COL5A2: variants seen among roughly 807,000 people sequenced by gnomAD.
The protein encoded by COL5A2 is collagen alpha-2(V) chain.
A neutral mutation model predicts 208.2 loss-of-function variants in COL5A2; 23 were observed. The observed-to-expected ratio is 0.11, with a 90% CI of 0.08 to 0.16. The LOEUF (loss-of-function observed/expected upper bound fraction) is 0.16, where lower values mean the gene tolerates loss of function less well. COL5A2 is among the 10% of genes least tolerant of loss of function. The pLI, the probability that COL5A2 is intolerant of heterozygous loss-of-function variation, is 1.00. For missense variants in COL5A2, 1,590 were observed against 1,956.4 expected, an observed-to-expected ratio of 0.81 and a Z score of 3.53; for synonymous variants, 625 against 628.5, an observed-to-expected ratio of 0.99 and a Z score of 0.08.
the COL5A2 span, among the ~76,000 whole-genome samples, chr2:189,257,108 A>C: frequency 6.6e-6 from 1 of 152,204 alleles, no homozygotes; most frequent in Admixed American, 6.5e-5. Context: ...CCTAGAAGGA[A>C]AGTCTATATA....
upstream of COL5A2, among the ~76,000 whole-genome samples, chr2:189,182,732 A>G (rs1688797381): frequency 6.6e-6 from 1 of 152,176 alleles, no homozygotes; most frequent in South Asian, 2.1e-4. Context: ...ATAATGCCTT[A>G]CTTACCTAAT....
chr2:189,066,375 A>G lies in COL5A2; in HGVS notation c.1563+15T>C. ...CCTCACAACTGTAAGAATGTGTTGT[A>G]TTATTTAAATTTACCCTTTCTCCCA... On this transcript the variant is annotated intron_variant, in intron 23 of 53. Transcript: ENST00000374866. 6.3e-7 allele frequency: 1 copy of G among 1,591,532 alleles called. No homozygotes were observed. Among genetic ancestry groups the G allele is most frequent in the Non-Finnish European group, 8.6e-7 (1 of 1,159,374 alleles).
the COL5A2 span, among the ~76,000 whole-genome samples, chr2:189,272,815 G>A: frequency 2.0e-5 from 3 of 152,196 alleles, no homozygotes; most frequent in East Asian, 5.8e-4. Flanking sequence ...GGAGAGGTGA[G>A]TGTTATTCTC....
the COL5A2 span, among the ~76,000 whole-genome samples, chr2:189,438,255 C>T: frequency 6.6e-6 from 1 of 150,448 alleles, no homozygotes; most frequent in Non-Finnish European, 1.5e-5. Flanking sequence ...AACTTTCATA[C>T]ATTACTTATG....
intron 18 of COL5A2, among the ~76,000 whole-genome samples, chr2:189,070,934 G>A (rs77075064): frequency 0.017 from 2,578 of 152,222 alleles, 32 homozygotes; most frequent in Non-Finnish European, 0.021. Context: ...TTAAAGCAGC[G>A]GCATCCCCAT....
chr2:189,412,876 T>C, the COL5A2 span, among the ~76,000 whole-genome samples: 5 of 152,122 alleles, frequency 3.3e-5, no homozygotes, highest in East Asian at 3.8e-4. Context: ...TATCATATAA[T>C]TGGATGGCAG....
chr2:189,091,493 C>A lies in COL5A2; in HGVS notation c.567+817G>T, dbSNP rs189055218. The stretch of plus-strand genomic sequence containing the variant: ...CAACTATCAGCATCAAAGCAAAACA[C>A]CCTATCAGCAAAAAGATTATGGCTT... On this transcript the variant is annotated intron_variant, in intron 7 of 53. Coordinates refer to ENST00000374866, the MANE Select transcript of COL5A2 (RefSeq NM_000393.5). Among the ~76,000 whole-genome samples the A allele has an allele frequency of 1.6e-4, 24 of 152,222 alleles. No individual in the cohort carries two copies. The East Asian group carries it at 4.1e-3, about 26-fold the overall frequency.
At chr2:189,291,424 T>C in the COL5A2 span, among the ~76,000 whole-genome samples, 3 of 152,166 alleles carry the variant, frequency 2.0e-5, no homozygotes, top group Non-Finnish European at 4.4e-5. Context: ...TTCATAAGAA[T>C]AAAATGACAA....
At chr2:189,105,264 G>A (rs1268038624) in intron 2 of COL5A2, among the ~76,000 whole-genome samples, 1 of 151,572 alleles carries the variant, frequency 6.6e-6, no homozygotes, top group Non-Finnish European at 1.5e-5. Flanking sequence ...ATAGGCATTG[G>A]TAACTTGATA....
intron 1 of COL5A2, among the ~76,000 whole-genome samples, chr2:189,175,544 C>A (rs867685272): frequency 1.6e-5 from 2 of 125,414 alleles, no homozygotes; most frequent in African/African-American, 6.4e-5. Flanking sequence ...AAAAAGAAAA[C>A]TTTTTTTTTT....
At chr2:189,343,931 A>T in the COL5A2 span, among the ~76,000 whole-genome samples, 3,655 of 152,272 alleles carry the variant, frequency 0.024, 160 homozygotes, top group African/African-American at 0.084. Flanking sequence ...AACTCCAAAG[A>T]CATTTCTATT....
chr2:189,039,689 C>T (rs748715118), intron 50 of COL5A2, 126 bp from the exon 51 acceptor site: 9 of 901,722 alleles, frequency 1.0e-5, no homozygotes, highest in East Asian at 2.6e-5. Context: ...ATCTATGACT[C>T]GCGCCCTTTT....
At chr2:189,157,133 T>G (rs2351630) in intron 1 of COL5A2, among the ~76,000 whole-genome samples, 11 of 82,830 alleles carry the variant, frequency 1.3e-4, no homozygotes, top group South Asian at 4.3e-4. Flanking sequence ...TCTATCTATA[T>G]ATATATCTAT....
At chr2:189,064,073 G>C in intron 25 of COL5A2, 40 bp from the exon 26 acceptor site, 1 of 1,519,908 alleles carries the variant, frequency 6.6e-7, no homozygotes, top group Non-Finnish European at 9.1e-7. Context: ...TTGCTGATAT[G>C]CAGTTGAAGT....
At chr2:189,235,739 A>T in the COL5A2 span, among the ~76,000 whole-genome samples, 1 of 151,662 alleles carries the variant, frequency 6.6e-6, no homozygotes, top group African/African-American at 2.4e-5. Flanking sequence ...TTAGCTCCTA[A>T]TTAATTCCAG....
chr2:189,411,603 T>A, the COL5A2 span, among the ~76,000 whole-genome samples: 1 of 152,192 alleles, frequency 6.6e-6, no homozygotes, highest in South Asian at 2.1e-4. Context: ...CAATATAGCA[T>A]TTTAATATTT....
intron 17 of COL5A2, among the ~76,000 whole-genome samples, 180 bp downstream of exon 17, chr2:189,075,213 C>T (rs574940127): frequency 3.9e-5 from 6 of 152,200 alleles, no homozygotes; most frequent in Admixed American, 2.6e-4. Flanking sequence ...TTATGTTATA[C>T]AACAATATTA....
chr2:189,418,534 A>G, the COL5A2 span, among the ~76,000 whole-genome samples: 1 of 152,236 alleles, frequency 6.6e-6, no homozygotes, highest in African/African-American at 2.4e-5. Context: ...ACCACAGAAC[A>G]GGTTTGTGGA....
chr2:189,114,134 T>A (rs549639979), intron 1 of COL5A2, among the ~76,000 whole-genome samples: 31 of 152,306 alleles, frequency 2.0e-4, no homozygotes, highest in African/African-American at 7.2e-4. Flanking sequence ...TGTGGAAAGT[T>A]AGTTGGAATG....
Sources: gnomAD v4.1 joint callset for allele counts (sites outside exome capture counted in the v4.1 genomes callset) on GRCh38, gnomAD v4.1.1 for gene constraint, MANE v1.5 for transcripts, NCBI Gene and HGNC (gene_info 2026-07-23, HGNC 2026-07-21) for gene names.